The following ABHD17A variants were observed in gnomAD, a reference collection of about 807,000 sequenced individuals.
ABHD17A encodes the protein alpha/beta hydrolase domain-containing protein 17A.
A neutral mutation model predicts 26.8 loss-of-function variants in ABHD17A; 10 were observed. The ratio of observed to expected loss-of-function variants is 0.37; its 90% CI spans 0.23 to 0.63. ABHD17A has a LOEUF of 0.63. ABHD17A is among the 30% of genes least tolerant of loss of function. The pLI is 0.61. For synonymous variants in ABHD17A, 167 were observed against 210.9 expected, an observed-to-expected ratio of 0.79 and a Z score of 1.80; for missense variants, 292 against 457.3, an observed-to-expected ratio of 0.64 and a Z score of 3.30.
Position 1,881,847 on chromosome 19 carries a change from C to A in ABHD17A, c.-238-43G>T. On this transcript the variant is annotated intron_variant, in intron 1 of 4. Coordinates refer to ENST00000292577, the MANE Select transcript of ABHD17A (RefSeq NM_001130111.2). ...CATGTGGGGTCCTTTGGGGGTGCCA[C>A]AGTCCAGCTGGGCACCCCCGGGAGG... 3 of 392,360 alleles carry A rather than the reference C, an allele frequency of 7.6e-6. No individual in the cohort carries two copies. In the South Asian group the frequency reaches 1.2e-4, roughly 16 times the overall value. 24.3% of individuals were successfully genotyped at this position (392,360 alleles called of 1,614,324 possible).
chr19:1,881,285 G>A lies in ABHD17A; in HGVS notation c.282C>T (p.Ala94=). Residue 94 remains alanine, a synonymous_variant, in exon 2 of 5, where the codon GCC becomes GCT. Transcript: ENST00000292577. ...DTIEVFPTKS[A]RGNRVSCMYV... ...ACATGCAGGAGACGCGGTTGCCGCG[G>A]GCGCTCTTGGTGGGGAAGACCTCGA... 6.2e-7 allele frequency: 1 copy of A among 1,611,104 alleles called. No individual in the cohort carries two copies. Among genetic ancestry groups the A allele is most frequent in the Non-Finnish European group, 8.5e-7 (1 of 1,179,728 alleles).
At chr19:1,884,569 C>T (rs887231127) in intron 1 of ABHD17A, among the ~76,000 whole-genome samples, 2 of 152,206 alleles carry the variant, frequency 1.3e-5, no homozygotes, top group Middle Eastern at 6.8e-3. Flanking sequence ...GGTGACTGCA[C>T]CTCACTCAAC....
Position 1,881,477 on chromosome 19 carries a change from C to A in ABHD17A, c.90G>T (p.Pro30=). The change falls in exon 2 of 5, where the codon CCG becomes CCT. Residue 30 remains proline, a synonymous_variant. Coordinates refer to ENST00000292577, the MANE Select transcript of ABHD17A (RefSeq NM_001130111.2). ...GRIAAKLAFL[P]PEATYSLVPE... ...GCACCAGGGAGTAGGTGGCCTCCGG[C>A]GGCAGGAAGGCGAGCTTGGCAGCGA... is the stretch of plus-strand genomic sequence containing the variant. The A allele has an allele frequency of 3.7e-6, 6 of 1,602,880 alleles. No individual in the cohort carries two copies. Among genetic ancestry groups the A allele is most frequent in the South Asian group, 1.1e-5 (1 of 90,680 alleles).
Position 1,880,636 on chromosome 19 carries a change from C to A in ABHD17A, c.333-521G>T, listed in dbSNP as rs2012497227. On this transcript the variant is annotated intron_variant, in intron 2 of 4. Coordinates refer to ENST00000292577, the MANE Select transcript of ABHD17A (RefSeq NM_001130111.2). The surrounding 1 kb of genome is among the most constrained non-coding windows in gnomAD (Gnocchi z 4.1). ...GTTGGGGCACAACTGGACCCCACCC[C>A]TGCCCCCAACAAGCAAATGCGGCCA... 3.9e-5 allele frequency among the ~76,000 whole-genome samples: 6 copies of A among 152,164 alleles called. No individual in the cohort carries two copies. Among genetic ancestry groups the A allele is most frequent in the Admixed American group, 3.9e-4 (6 of 15,280 alleles).
At position 1,876,903 on chromosome 19, in the gene ABHD17A, A is replaced by C. The variant is rs1599203511; in HGVS notation, c.*297T>G. Reference sequence around the variant, plus strand: ...AGGGACTCAGGGACGAAACCTGGGAACCCCGGCCCCCTTTCGAGCTCGCTG... The same window carrying C: ...AGGGACTCAGGGACGAAACCTGGGACCCCCGGCCCCCTTTCGAGCTCGCTG... On this transcript the variant is annotated 3_prime_UTR_variant, in exon 5 of 5. Transcript: ENST00000292577. 6 of 429,902 alleles carry C rather than the reference A, an allele frequency of 1.4e-5. No homozygotes were observed. Among genetic ancestry groups the C allele is most frequent in the Admixed American group, 7.9e-5 (2 of 25,378 alleles). 26.6% of individuals were successfully genotyped at this position (429,902 alleles called of 1,614,324 possible).
In ABHD17A at chr19:1,879,860, C is replaced by T. The variant is rs1329535068; in HGVS notation, c.527+61G>A. 1 of 1,505,054 alleles carries T rather than the reference C, an allele frequency of 6.6e-7. No homozygotes were observed. Among genetic ancestry groups the T allele is most frequent in the African/African-American group, 1.4e-5 (1 of 72,100 alleles). 93.2% of individuals were successfully genotyped at this position (1,505,054 alleles called of 1,614,324 possible). A position where few individuals can be genotyped will look rare whatever the true frequency, so the allele number is the denominator to read the frequency against. The stretch of plus-strand genomic sequence containing the variant: ...CCTCCCAGGGAAGCCCGCCCCCCGG[C>T]CCCCCGCCTGGTCCCCTCTTGGGTG... On this transcript the variant is annotated intron_variant, in intron 3 of 4. Transcript: ENST00000292577. The surrounding 1 kb of genome is among the most constrained non-coding windows in gnomAD (Gnocchi z 7.6).
chr19:1,877,118 A>T lies in ABHD17A; in HGVS notation c.*82T>A. 3 of 1,391,550 alleles carry T rather than the reference A, an allele frequency of 2.2e-6. No homozygotes were observed. The highest frequency in any genetic ancestry group is 2.9e-6 in the Non-Finnish European group (3 of 1,030,108). 86.2% of individuals were successfully genotyped at this position (1,391,550 alleles called of 1,614,324 possible). ...CCCCTGGGCCGCCCGGGGGGTCCACATGCAGCCCCTGGGTGGGGGCCGGCG... is the reference window on the plus strand; with the variant it reads ...CCCCTGGGCCGCCCGGGGGGTCCACTTGCAGCCCCTGGGTGGGGGCCGGCG... On this transcript the variant is annotated 3_prime_UTR_variant, in exon 5 of 5. Coordinates refer to ENST00000292577, the MANE Select transcript of ABHD17A (RefSeq NM_001130111.2).
At chr19:1,884,002 C>G (rs1203080003) in intron 1 of ABHD17A, among the ~76,000 whole-genome samples, 2 of 152,172 alleles carry the variant, frequency 1.3e-5, no homozygotes, top group Non-Finnish European at 2.9e-5. Flanking sequence ...CTCTGCTCCT[C>G]TGCCAGGAAC....
rs545165272 is a variant in ABHD17A, at chr19:1,884,538, G to A, written c.-239+814C>T. Among the ~76,000 whole-genome samples the A allele has an allele frequency of 8.5e-5, 13 of 152,254 alleles. No homozygotes were observed. In the South Asian group the frequency reaches 1.7e-3, roughly 19 times the overall value. On this transcript the variant is annotated intron_variant, in intron 1 of 4. Coordinates refer to ENST00000292577, the MANE Select transcript of ABHD17A (RefSeq NM_001130111.2). ...CAACCGAGCAGCCAAAATACTGGAA[G>A]ATGACCTACATATGGGAGACGGTGA...
intron 1 of ABHD17A, chr19:1,882,861 A>T (rs1038216522): frequency 6.6e-6 from 1 of 152,122 alleles, no homozygotes; most frequent in Non-Finnish European, 1.5e-5. Flanking sequence ...ACACCCTGGA[A>T]TGCTTGGCTT....
In ABHD17A at chr19:1,880,401, C is replaced by T. The variant is rs557677438; in HGVS notation, c.333-286G>A. Among the ~76,000 whole-genome samples, 2 of 152,302 alleles carry T rather than the reference C, an allele frequency of 1.3e-5. No individual in the cohort carries two copies. Among genetic ancestry groups the T allele is most frequent in the Admixed American group, 1.3e-4 (2 of 15,304 alleles). ...AGCCTCAGGATTCCCATCTGTGAAG[C>T]GGGACACTGGGACCATCGGTCGCAT... On this transcript the variant is annotated intron_variant, in intron 2 of 4. Coordinates refer to ENST00000292577, the MANE Select transcript of ABHD17A (RefSeq NM_001130111.2). The surrounding 1 kb of genome is among the most constrained non-coding windows in gnomAD (Gnocchi z 4.1).
chr19:1,883,514 G>A (rs1343972018), intron 1 of ABHD17A: 2 of 152,344 alleles, frequency 1.3e-5, no homozygotes, highest in South Asian at 4.1e-4. Flanking sequence ...TGAGAGCCCA[G>A]TGGACAGCAG....
Position 1,877,518 on chromosome 19 carries a change from C to G in ABHD17A, c.697G>C (p.Ala233Pro), listed in dbSNP as rs757198714. 6.3e-7 allele frequency: 1 copy of G among 1,594,860 alleles called. No individual in the cohort carries two copies. Among genetic ancestry groups the G allele is most frequent in the Non-Finnish European group, 8.5e-7 (1 of 1,178,640 alleles). The stretch of plus-strand genomic sequence containing the variant: ...GCCCGGGCCGCTCACTTAGGGAAGG[C>G]GTCGAAGCAGTAGGTCTTCTTGGTG... ...PDTKKTYCFD[A>P]FPNIEKVSKI... The change falls in exon 4 of 5, where the codon GCC becomes CCC. Residue 233 changes from alanine to proline, a missense_variant. Ala to Pro is a conservative substitution (Grantham distance 27, BLOSUM62 -1). Around this residue, in one of 4 missense-constraint regions of ABHD17A, gnomAD observed 88 missense variants for 134.3 expected, o/e 0.66. Transcript: ENST00000292577.
intron 1 of ABHD17A, chr19:1,882,614 G>C (rs895726897): frequency 6.6e-6 from 1 of 152,174 alleles, no homozygotes; most frequent in East Asian, 1.9e-4. Flanking sequence ...AGGGGGGAGG[G>C]GAACGAAGGT....
chr19:1,883,957 G>A (rs2012608458), intron 1 of ABHD17A, among the ~76,000 whole-genome samples: 1 of 151,956 alleles, frequency 6.6e-6, no homozygotes, highest in South Asian at 2.1e-4. Flanking sequence ...GCCACTCCTG[G>A]CTCCCTCAAG....
Position 1,881,572 on chromosome 19 carries a change from G to T in ABHD17A, c.-6C>A. On this transcript the variant is annotated 5_prime_UTR_variant, in exon 2 of 5. Coordinates refer to ENST00000292577, the MANE Select transcript of ABHD17A (RefSeq NM_001130111.2). ...CTCAGCGACAGCCCATTCATGGCGG[G>T]CGCCGCCCAGGCCGGGCCTCCACCG... is the stretch of plus-strand genomic sequence containing the variant. 1 of 1,583,020 alleles carries T rather than the reference G, an allele frequency of 6.3e-7. No homozygotes were observed. The highest frequency in any genetic ancestry group is 8.5e-7 in the Non-Finnish European group (1 of 1,170,988).
Position 1,885,444 on chromosome 19 carries a change from G to T in ABHD17A, c.-331C>A, listed in dbSNP as rs998422949. On this transcript the variant is annotated 5_prime_UTR_variant, in exon 1 of 5. Transcript: ENST00000292577. ...CGTCGGTCCCTCCGCACCCCTGCCCGGCCTCCTGCACCGCCACCGCCGCAG... is the reference window on the plus strand; with the variant it reads ...CGTCGGTCCCTCCGCACCCCTGCCCTGCCTCCTGCACCGCCACCGCCGCAG... 2 of 152,130 alleles carry T rather than the reference G, an allele frequency of 1.3e-5. No homozygotes were observed. The highest frequency in any genetic ancestry group is 4.8e-5 in the African/African-American group (2 of 41,388). The allele number at this position is 152,130 out of a possible 1,614,324, so 9.4% of individuals were successfully genotyped here.
intron 3 of ABHD17A, chr19:1,878,712 G>C (rs979189284): frequency 3.9e-5 from 6 of 152,544 alleles, no homozygotes; most frequent in African/African-American, 1.4e-4. Flanking sequence ...CTCCAGCTCT[G>C]CCTCGGCCTC....
intron 3 of ABHD17A, chr19:1,877,959 A>G: frequency 2.1e-6 from 1 of 478,162 alleles, no homozygotes; most frequent in South Asian, 2.5e-5. Flanking sequence ...CTGCCTACGG[A>G]GTGCCCCTGG....
Sources: allele counts gnomAD v4.1 joint callset (sites outside exome capture counted in the v4.1 genomes callset), GRCh38; gene constraint gnomAD v4.1.1; regional missense constraint gnomAD v4.1.1; non-coding constraint Gnocchi (gnomAD v3.1); transcripts MANE v1.5; gene names NCBI Gene and HGNC (gene_info 2026-07-23, HGNC 2026-07-21).